Variants in HSPD1 observed in about 807,000 individuals in gnomAD.
HSPD1 encodes heat shock protein family D (Hsp60) member 1.
Under a neutral mutation model 53.0 loss-of-function variants are expected in HSPD1, and 3 were observed. That is an observed-to-expected ratio of 0.06 (90% CI 0.03 to 0.15). The LOEUF (loss-of-function observed/expected upper bound fraction) is 0.15. Ranked by LOEUF, HSPD1 falls within the 10% of genes least tolerant of loss-of-function variation. The pLI is 1.00. For synonymous variants in HSPD1, 200 were observed against 228.0 expected (o/e 0.88, Z 1.10); for missense variants, 431 against 694.1 (o/e 0.62, Z 4.26).
intron 7 of HSPD1, among the ~76,000 whole-genome samples, chr2:197,492,738 G>C (rs574603825): frequency 6.6e-6 from 1 of 151,234 alleles, no homozygotes; most frequent in African/African-American, 2.4e-5. Flanking sequence ...AAGGCCGGGC[G>C]CAGTGGCTCA....
intron 1 of HSPD1, 77 bp from the exon 2 acceptor site, chr2:197,498,927 C>T: frequency 7.7e-7 from 1 of 1,303,218 alleles, no homozygotes; most frequent in Non-Finnish European, 1.1e-6. Flanking sequence ...ACCTGTGCAA[C>T]AGAGCAAGCA....
At chr2:197,488,902 G>A in intron 9 of HSPD1, 100 bp downstream of exon 9, 1 of 1,240,688 alleles carries the variant, frequency 8.1e-7, no homozygotes, top group Non-Finnish European at 1.2e-6. Flanking sequence ...AATTCCTCAA[G>A]TATTCGTTTA....
chr2:197,493,612 T>C (rs2086120785), intron 6 of HSPD1, 120 bp from the exon 7 acceptor site: 1 of 729,110 alleles, frequency 1.4e-6, no homozygotes, highest in South Asian at 1.6e-5. Flanking sequence ...TTTTCCTCCT[T>C]CATTTCTCAT....
intron 11 of HSPD1, 35 bp from the exon 12 acceptor site, chr2:197,487,233 G>C (rs1210373891): frequency 1.3e-6 from 2 of 1,584,168 alleles, no homozygotes; most frequent in East Asian, 2.2e-5. Context: ...TTTTCCCTTA[G>C]TAAAATATGA....
intron 8 of HSPD1, among the ~76,000 whole-genome samples, chr2:197,489,506 G>A (rs1216559935): frequency 6.6e-6 from 1 of 152,126 alleles, no homozygotes; most frequent in South Asian, 2.1e-4. Flanking sequence ...CTTACTGGTA[G>A]AGCCAGGACA....
At chr2:197,497,018 CCA>C (rs1480235686) in intron 3 of HSPD1, 120 bp downstream of exon 3, 1 of 1,004,412 alleles carries the variant, frequency 1.0e-6, no homozygotes, top group Non-Finnish European at 1.6e-6. Context: ...TTTCTCCAGG[CCA>C]AGAGGAGGAA....
Position 197,494,202 on chromosome 2 carries a change from A to C in HSPD1, c.655T>G (p.Phe219Val), listed in dbSNP as rs1278233992. The C allele has an allele frequency of 1.9e-6, 3 of 1,563,412 alleles. No individual in the cohort carries two copies. The Admixed American group carries it at 5.0e-5, about 26-fold the overall frequency. The change falls in exon 6 of 12, where the codon TTT becomes GTT. Residue 219 changes from phenylalanine (F) to valine (V), a missense_variant. Phe to Val is a conservative substitution (Grantham distance 50, BLOSUM62 -1). This residue lies in a region of HSPD1 where 386 missense variants were observed against 657.6 expected (regional missense o/e 0.59). Coordinates refer to ENST00000388968, the MANE Select transcript of HSPD1 (RefSeq NM_002156.5). ...DELEIIEGMK[F>V]DRGYISPYFI... ...TATGGAGAAATATAGCCTCGATCAA[A>C]CTTCATGCCTTCAATAATTTCTAAT... is the stretch of plus-strand genomic sequence containing the variant.
At chr2:197,494,482 A>C (rs1175753169) in intron 5 of HSPD1, 175 bp downstream of exon 5, 1 of 633,558 alleles carries the variant, frequency 1.6e-6, no homozygotes, top group African/African-American at 1.8e-5. Flanking sequence ...TTCACATAAA[A>C]CACAGTAAGT....
intron 2 of HSPD1, among the ~76,000 whole-genome samples, chr2:197,497,689 T>G (rs1441576399): frequency 6.6e-6 from 1 of 152,234 alleles, no homozygotes; most frequent in Non-Finnish European, 1.5e-5. Flanking sequence ...AGACAAAGAA[T>G]AAAACAATCT....
chr2:197,492,097 C>T (rs755685631), intron 7 of HSPD1, among the ~76,000 whole-genome samples: 2 of 152,222 alleles, frequency 1.3e-5, no homozygotes, highest in Non-Finnish European at 2.9e-5. Flanking sequence ...TTCAAGGCTG[C>T]AGTGAGCTAT....
At chr2:197,499,200 A>G in intron 1 of HSPD1, 1 of 383,370 alleles carries the variant, frequency 2.6e-6, no homozygotes, top group Non-Finnish European at 4.9e-6. Context: ...AAACCAAGTC[A>G]GCCGGAGAGA....
chr2:197,499,253 C>G (rs1216517486), intron 1 of HSPD1: 1 of 306,794 alleles, frequency 3.3e-6, no homozygotes, highest in South Asian at 2.9e-5. Context: ...TAAAAGTATT[C>G]CTGACGGTGC....
chr2:197,497,289 A>G lies in HSPD1; in HGVS notation c.278T>C (p.Ile93Thr). The change falls in exon 3 of 12, where the codon ATT becomes ACT. Residue 93 changes from isoleucine to threonine, a missense_variant. Ile to Thr is a moderately conservative substitution (Grantham distance 89). This residue lies in a region of HSPD1 where 386 missense variants were observed against 657.6 expected (regional missense o/e 0.59). Coordinates refer to ENST00000388968, the MANE Select transcript of HSPD1 (RefSeq NM_002156.5). ...SIDLKDKYKN[I>T]GAKLVQDVAN... ...AACATCTTGAACAAGTTTAGCTCCAATGTTTTTGTATTTATCTTTTAAGTC... is the reference window on the plus strand; with the variant it reads ...AACATCTTGAACAAGTTTAGCTCCAGTGTTTTTGTATTTATCTTTTAAGTC... The G allele has an allele frequency of 1.2e-6, 2 of 1,613,904 alleles. No homozygotes were observed. Among genetic ancestry groups the G allele is most frequent in the Middle Eastern group, 1.7e-4 (1 of 6,056 alleles).
intron 7 of HSPD1, 37 bp from the exon 8 acceptor site, chr2:197,490,333 T>C (rs776325447): frequency 6.9e-7 from 1 of 1,440,944 alleles, no homozygotes; most frequent in South Asian, 1.1e-5. Flanking sequence ...TTAAATGAAA[T>C]AAAAATGCCT....
intron 9 of HSPD1, 24 bp downstream of exon 9, chr2:197,488,976 AAC>A: frequency 6.2e-7 from 1 of 1,613,298 alleles, no homozygotes; most frequent in Non-Finnish European, 8.5e-7. Flanking sequence ...GAACCCAAGA[AAC>A]TTATTCATAA....
chr2:197,489,377 C>T lies in HSPD1; in HGVS notation c.970-130G>A, dbSNP rs1446031180. The T allele has an allele frequency of 1.0e-5, 10 of 964,998 alleles. No individual in the cohort carries two copies. The African/African-American group carries it at 1.5e-4, about 14-fold the overall frequency. The allele number at this position is 964,998 out of a possible 1,614,324, so 59.8% of individuals were successfully genotyped here. ...TTTGAAATGAGAGATTTTAAGATCA[C>T]TGTTAGTCCAGAACAAGACTTGAGT... On this transcript the variant is annotated intron_variant, in intron 8 of 11. Transcript: ENST00000388968.
At chr2:197,494,309 C>A (rs946930608) in intron 5 of HSPD1, 59 bp from the exon 6 acceptor site, 10 of 872,582 alleles carry the variant, frequency 1.1e-5, no homozygotes, top group Non-Finnish European at 1.8e-5. Flanking sequence ...CATGGAATTA[C>A]AGGCCAGATT....
chr2:197,494,761 A>G lies in HSPD1; in HGVS notation c.511-9T>C. ...GCAGAAATCGTAGCAACCTGAAATA[A>G]TCCAGTTACTCTTCGAAATTAAAAG... On this transcript the variant is annotated splice_polypyrimidine_tract_variant and intron_variant, in intron 4 of 11. Transcript: ENST00000388968. 6.3e-7 allele frequency: 1 copy of G among 1,576,766 alleles called. No individual in the cohort carries two copies. Among genetic ancestry groups the G allele is most frequent in the Non-Finnish European group, 8.7e-7 (1 of 1,146,042 alleles).
chr2:197,487,794 G>T, intron 11 of HSPD1, 64 bp downstream of exon 11: 2 of 1,329,576 alleles, frequency 1.5e-6, no homozygotes, highest in Non-Finnish European at 1.1e-6. Flanking sequence ...AAAGATTTGG[G>T]ATGTGAGGAT....
Sources: allele counts gnomAD v4.1 joint callset (sites outside exome capture counted in the v4.1 genomes callset), GRCh38; gene constraint gnomAD v4.1.1; regional missense constraint gnomAD v4.1.1; transcripts MANE v1.5; gene names NCBI Gene and HGNC (gene_info 2026-07-23, HGNC 2026-07-21).